The following NF1 variants were observed in gnomAD, a reference collection of about 807,000 sequenced individuals.
NF1 encodes the protein neurofibromin 1.
In NF1, 122 loss-of-function variants were observed where a neutral mutation model predicts 325.7. The ratio of observed to expected loss-of-function variants is 0.37; its 90% CI spans 0.32 to 0.44. NF1 has a LOEUF of 0.44. Ranked by LOEUF, NF1 falls within the 20% of genes least tolerant of loss-of-function variation. NF1 has a pLI of 1.00. For missense variants in NF1, 2,140 were observed against 3,415.4 expected (o/e 0.63, Z 9.31); for synonymous variants, 1,091 against 1,186.0 (o/e 0.92, Z 1.65).
intron 2 of NF1, among the ~76,000 whole-genome samples, chr17:31,157,643 C>A (rs1480452197): frequency 2.6e-5 from 4 of 151,852 alleles, no homozygotes; most frequent in African/African-American, 9.7e-5. Flanking sequence ...ATTGAATATT[C>A]TCTTGTTATT....
At chr17:31,357,188 T>C in intron 53 of NF1, 81 bp from the exon 54 acceptor site, 1 of 1,588,570 alleles carries the variant, frequency 6.3e-7, no homozygotes, top group Non-Finnish European at 8.6e-7. Flanking sequence ...TAGGATACAG[T>C]CTTCTACTTC....
chr17:31,141,440 G>T (rs574463187), intron 1 of NF1, among the ~76,000 whole-genome samples: 1 of 152,050 alleles, frequency 6.6e-6, no homozygotes, highest in Admixed American at 6.6e-5. Flanking sequence ...GTTGGTAGTG[G>T]TGCTCTTTCT....
intron 36 of NF1, among the ~76,000 whole-genome samples, chr17:31,322,354 C>G (rs1459024652): frequency 6.6e-6 from 1 of 151,528 alleles, no homozygotes; most frequent in Admixed American, 6.6e-5. Flanking sequence ...GTAGCATGCA[C>G]CTGTAGTCCC....
chr17:31,152,196 TGTC>T (rs1916993603), intron 1 of NF1, among the ~76,000 whole-genome samples: 1 of 152,114 alleles, frequency 6.6e-6, no homozygotes, highest in Non-Finnish European at 1.5e-5. Flanking sequence ...GTATAAATAA[TGTC>T]CTCTTTCTGC....
Position 31,349,108 on chromosome 17 carries a change from T to G in NF1, c.7190-12T>G. On this transcript the variant is annotated splice_polypyrimidine_tract_variant and intron_variant, in intron 48 of 57. Transcript: ENST00000358273. ...TTACTTGTTTGTTTGTTTGTTTGTT[T>G]GTTTTTTGTAGGGTACAGGCATCCT... is the stretch of plus-strand genomic sequence containing the variant. 1 of 1,571,366 alleles carries G rather than the reference T, an allele frequency of 6.4e-7. No individual in the cohort carries two copies.
chr17:31,162,704 C>T (rs1386482110), intron 3 of NF1, among the ~76,000 whole-genome samples: 1 of 152,216 alleles, frequency 6.6e-6, no homozygotes, highest in Admixed American at 6.5e-5. Context: ...GAAAAGATTT[C>T]AACCAAAATA....
In NF1 at chr17:31,326,110, T is replaced by A. The variant is rs876660316; in HGVS notation, c.5126T>A (p.Ile1709Lys). ...GLKGSKRLVFIDCPGKLAEHI... is the reference protein window; with the variant it reads ...GLKGSKRLVFKDCPGKLAEHI... Reference sequence around the variant, plus strand: ...AAAGGTAGCAAAAGGCTTGTTTTCATAGACTGTCCTGGGAAACTGGCTGAG... The same window carrying A: ...AAAGGTAGCAAAAGGCTTGTTTTCAAAGACTGTCCTGGGAAACTGGCTGAG... The change falls in exon 37 of 58, where the codon ATA (isoleucine) becomes AAA (lysine). Residue 1709 changes from isoleucine (I) to lysine (K), a missense_variant. Physicochemically the swap from Ile to Lys is moderately radical, Grantham distance 102. This residue lies in a region of NF1 where 147 missense variants were observed against 186.7 expected (regional missense o/e 0.79). Transcript: ENST00000358273. 6.2e-7 allele frequency: 1 copy of A among 1,613,426 alleles called. No homozygotes were observed. Among genetic ancestry groups the A allele is most frequent in the Non-Finnish European group, 8.5e-7 (1 of 1,179,532 alleles).
At chr17:31,252,438 T>A (rs1431348238) in intron 30 of NF1, 2 of 195,730 alleles carry the variant, frequency 1.0e-5, no homozygotes, top group Admixed American at 1.2e-4. Flanking sequence ...TTTATCCATA[T>A]AATTTTTATT....
chr17:31,215,622 T>C (rs1227256607), intron 13 of NF1, among the ~76,000 whole-genome samples: 2 of 152,200 alleles, frequency 1.3e-5, no homozygotes, highest in Admixed American at 6.5e-5. Context: ...TTATTGCTAT[T>C]AATAAGATAC....
At chr17:31,180,729 T>G (rs927382698) in intron 5 of NF1, among the ~76,000 whole-genome samples, 23 of 152,136 alleles carry the variant, frequency 1.5e-4, no homozygotes, top group African/African-American at 5.3e-4. Context: ...CAAACTAATA[T>G]TGGAAGTTCT....
At chr17:31,255,318 A>C (rs1025361195) in intron 31 of NF1, among the ~76,000 whole-genome samples, 1 of 152,126 alleles carries the variant, frequency 6.6e-6, no homozygotes, top group African/African-American at 2.4e-5. Context: ...TTTATGCAGA[A>C]TGTCTTTTGG....
At chr17:31,194,251 T>C (rs1420727833) in intron 8 of NF1, among the ~76,000 whole-genome samples, 1 of 152,134 alleles carries the variant, frequency 6.6e-6, no homozygotes, top group Non-Finnish European at 1.5e-5. Flanking sequence ...TGGATTGAAT[T>C]GGAGGACATT....
chr17:31,226,302 A>G, intron 17 of NF1, 133 bp from the exon 18 acceptor site: 1 of 1,063,778 alleles, frequency 9.4e-7, no homozygotes, highest in Admixed American at 2.9e-5. Flanking sequence ...AGCTCTTGTG[A>G]GTTATTGTAT....
chr17:31,146,643 T>A (rs1214280918), intron 1 of NF1, among the ~76,000 whole-genome samples: 1 of 152,208 alleles, frequency 6.6e-6, no homozygotes, highest in Non-Finnish European at 1.5e-5. Context: ...TGTTTTTATC[T>A]TTTTTCTTTG....
intron 36 of NF1, chr17:31,296,468 G>T: frequency 1.2e-6 from 1 of 834,546 alleles, no homozygotes; most frequent in Non-Finnish European, 2.0e-6. Context: ...TTGTTCCAGT[G>T]ATTAAACTAA....
chr17:31,253,334 C>G lies in NF1; in HGVS notation c.4173+334C>G, dbSNP rs2067526207. 4 of 241,582 alleles carry G rather than the reference C, an allele frequency of 1.7e-5. No individual in the cohort carries two copies. The East Asian group carries it at 3.8e-4, about 23-fold the overall frequency. 15.0% of individuals were successfully genotyped at this position (241,582 alleles called of 1,614,324 possible). A position where few individuals can be genotyped will look rare whatever the true frequency, so the allele number is the denominator to read the frequency against. ...CAAGGCCTTAGGAAACGCTGACTGT[C>G]TTCATTCTTGCTTCTTGTTTGAAGG... On this transcript the variant is annotated intron_variant, in intron 31 of 57. Transcript: ENST00000358273.
chr17:31,286,186 C>T (rs1456611062), intron 36 of NF1, among the ~76,000 whole-genome samples: 1 of 152,134 alleles, frequency 6.6e-6, no homozygotes, highest in Non-Finnish European at 1.5e-5. Flanking sequence ...CCTCCACCTA[C>T]TGGGTTCAAG....
chr17:31,374,075 C>T lies in NF1; in HGVS notation c.8440C>T (p.Arg2814Cys), dbSNP rs876658139. The T allele has an allele frequency of 1.2e-6, 2 of 1,614,092 alleles. No homozygotes were observed. The highest frequency in any genetic ancestry group is 8.5e-7 in the Non-Finnish European group (1 of 1,179,970). ...TGGCCACTGTAACAGTGGACGAACT[C>T]GCCACGGATCCGCAAGCCAAGTGCA... ...TTGHCNSGRT[R>C]HGSASQVQKQ... is the part of the protein sequence containing the mutation. The change falls in exon 58 of 58, where the codon CGC (arginine) becomes TGC (cysteine). Residue 2814 changes from arginine (R) to cysteine (C), a missense_variant. Physicochemically the swap from Arg to Cys is radical, Grantham distance 180. Around this residue, in one of 10 missense-constraint regions of NF1, gnomAD observed 522 missense variants for 749.0 expected, o/e 0.70. Transcript: ENST00000358273.
chr17:31,138,123 A>G (rs1362325974), intron 1 of NF1: 1 of 151,940 alleles, frequency 6.6e-6, no homozygotes, highest in Non-Finnish European at 1.5e-5. Context: ...TATCTTATTT[A>G]TTAATTTTTT....
Sources: allele counts gnomAD v4.1 joint callset (sites outside exome capture counted in the v4.1 genomes callset), GRCh38; gene constraint gnomAD v4.1.1; regional missense constraint gnomAD v4.1.1; transcripts MANE v1.5; gene names NCBI Gene and HGNC (gene_info 2026-07-23, HGNC 2026-07-21).